Variants in HEPACAM2 observed in about 807,000 individuals in gnomAD.
The protein encoded by HEPACAM2 is HEPACAM family member 2.
Under a neutral mutation model 49.6 loss-of-function variants are expected in HEPACAM2, and 49 were observed. The ratio of observed to expected loss-of-function variants is 0.99; its 90% CI spans 0.78 to 1.25. The LOEUF is 1.25. Ranked by LOEUF, HEPACAM2 falls within the 50% of genes most tolerant of loss-of-function variation. The pLI is 0.00. For synonymous variants in HEPACAM2, 197 were observed against 202.9 expected, an observed-to-expected ratio of 0.97 and a Z score of 0.25; for missense variants, 525 against 557.2, an observed-to-expected ratio of 0.94 and a Z score of 0.58.
rs1431624329 is a variant in HEPACAM2, at chr7:93,189,161, G to T, written c.*106C>A. Reference sequence around the variant, plus strand: ...AAAGGAATAATGAGTAAGAGGTGTTGGTCTTGGTTTCTTCACTGATTCCAG... The same window carrying T: ...AAAGGAATAATGAGTAAGAGGTGTTTGTCTTGGTTTCTTCACTGATTCCAG... On this transcript the variant is annotated 3_prime_UTR_variant, in exon 10 of 10. Coordinates refer to ENST00000394468, the MANE Select transcript of HEPACAM2 (RefSeq NM_001039372.4). 2 of 930,070 alleles carry T rather than the reference G, an allele frequency of 2.2e-6. No individual in the cohort carries two copies. The highest frequency in any genetic ancestry group is 2.4e-5 in the East Asian group (1 of 41,058). 57.6% of individuals were successfully genotyped at this position (930,070 alleles called of 1,614,324 possible).
chr7:93,199,851 CAT>C (rs1793835987), intron 4 of HEPACAM2, among the ~76,000 whole-genome samples: 1 of 152,036 alleles, frequency 6.6e-6, no homozygotes, highest in African/African-American at 2.4e-5. Context: ...AGTTTTAAAA[CAT>C]AGTAATTTCA....
chr7:93,206,514 T>C (rs1794033322), intron 4 of HEPACAM2, among the ~76,000 whole-genome samples: 1 of 152,076 alleles, frequency 6.6e-6, no homozygotes, highest in Admixed American at 6.6e-5. Context: ...ACAAGAAATA[T>C]ATATTATTAT....
upstream of HEPACAM2, chr7:93,226,487 G>T: frequency 6.8e-7 from 1 of 1,480,732 alleles, no homozygotes; most frequent in Non-Finnish European, 9.4e-7. Context: ...TGGACCAGCA[G>T]CTGCTGGTTT....
At chr7:93,194,407 A>T (rs2116629787) in intron 8 of HEPACAM2, among the ~76,000 whole-genome samples, 1 of 152,224 alleles carries the variant, frequency 6.6e-6, no homozygotes, top group South Asian at 2.1e-4. Context: ...GCTTTCTACC[A>T]TCGTGAGAAG....
chr7:93,226,393 C>T lies in HEPACAM2; in HGVS notation c.54G>A (p.Gln18=). 6.2e-7 allele frequency: 1 copy of T among 1,613,168 alleles called. No individual in the cohort carries two copies. Among genetic ancestry groups the T allele is most frequent in the East Asian group, 2.2e-5 (1 of 44,878 alleles). The change falls in exon 1 of 10, where the codon CAG becomes CAA. Residue 18 remains glutamine (Q), a synonymous_variant. Transcript: ENST00000394468. Reference sequence around the variant, plus strand: ...CGAAGAGAAGGAGGTATATTTTGCACTGAAAGACCCCAAGTGTGTCACCGA... The same window carrying T: ...CGAAGAGAAGGAGGTATATTTTGCATTGAAAGACCCCAAGTGTGTCACCGA... ...EPFGDTLGVF[Q]CKIYLLLFGA... is the part of the protein sequence containing the mutation.
intron 4 of HEPACAM2, among the ~76,000 whole-genome samples, chr7:93,200,281 T>C (rs1333075080): frequency 6.6e-6 from 1 of 152,126 alleles, no homozygotes; most frequent in Admixed American, 6.6e-5. Context: ...AGAATTTATC[T>C]AATTCATCTA....
chr7:93,215,840 G>C (rs1354520851), intron 2 of HEPACAM2, among the ~76,000 whole-genome samples, 155 bp from the exon 3 acceptor site: 1 of 152,104 alleles, frequency 6.6e-6, no homozygotes, highest in Non-Finnish European at 1.5e-5. Flanking sequence ...GAAGAGAAGA[G>C]AATAAAAAGC....
chr7:93,201,174 T>C (rs1273500220), intron 4 of HEPACAM2, among the ~76,000 whole-genome samples: 2 of 152,146 alleles, frequency 1.3e-5, no homozygotes, highest in South Asian at 2.1e-4. Context: ...AGACCTGCTA[T>C]ATAGCTATGC....
upstream of HEPACAM2, among the ~76,000 whole-genome samples, chr7:93,228,958 C>A (rs757844035): frequency 2.0e-5 from 3 of 152,012 alleles, no homozygotes; most frequent in Non-Finnish European, 4.4e-5. Flanking sequence ...AGTTTACAAT[C>A]TAGTTTATTT....
At chr7:93,198,862 G>A (rs1393770867) in intron 4 of HEPACAM2, among the ~76,000 whole-genome samples, 3 of 152,088 alleles carry the variant, frequency 2.0e-5, no homozygotes, top group Admixed American at 6.6e-5. Flanking sequence ...AAGGGAGGAA[G>A]CCTTAATCTT....
intron 1 of HEPACAM2, among the ~76,000 whole-genome samples, chr7:93,226,166 A>G (rs537072971): frequency 6.6e-6 from 1 of 152,218 alleles, no homozygotes; most frequent in Non-Finnish European, 1.5e-5. Flanking sequence ...CAAGAAAACA[A>G]TAACAATCTA....
intron 9 of HEPACAM2, among the ~76,000 whole-genome samples, chr7:93,189,569 T>C (rs1341673045): frequency 6.6e-6 from 1 of 151,926 alleles, no homozygotes; most frequent in Non-Finnish European, 1.5e-5. Context: ...ATGAGGTCAA[T>C]AGACAACATT....
At chr7:93,228,402 C>T (rs1794575611), upstream of HEPACAM2, among the ~76,000 whole-genome samples, 1 of 152,052 alleles carries the variant, frequency 6.6e-6, no homozygotes, top group Non-Finnish European at 1.5e-5. Flanking sequence ...GAAAGGGCTA[C>T]TGGGATAATC....
At position 93,197,551 on chromosome 7, in the gene HEPACAM2, T is replaced by C. The variant is rs184972478; in HGVS notation, c.1072A>G (p.Ile358Val). ...SLSPLASITG[I>V]SLFLIISMCL... ...ATGGATATAATCAAAAATAGTGATATTCCAGTTATACTTGCTAAAGGTGAC... is the reference window on the plus strand; with the variant it reads ...ATGGATATAATCAAAAATAGTGATACTCCAGTTATACTTGCTAAAGGTGAC... The change falls in exon 5 of 10, where the codon ATA (isoleucine) becomes GTA (valine). Residue 358 changes from isoleucine (I) to valine (V), a missense_variant. Ile to Val is a conservative substitution (Grantham distance 29). Coordinates refer to ENST00000394468, the MANE Select transcript of HEPACAM2 (RefSeq NM_001039372.4). 1 of 1,597,044 alleles carries C rather than the reference T, an allele frequency of 6.3e-7. No individual in the cohort carries two copies. The highest frequency in any genetic ancestry group is 1.7e-5 in the Admixed American group (1 of 59,226).
chr7:93,191,433 G>A (rs977699886), intron 9 of HEPACAM2, among the ~76,000 whole-genome samples: 1 of 152,088 alleles, frequency 6.6e-6, no homozygotes, highest in Non-Finnish European at 1.5e-5. Context: ...CCAGAAGTGT[G>A]CATGAATTAC....
At chr7:93,203,075 C>T (rs933807052) in intron 4 of HEPACAM2, among the ~76,000 whole-genome samples, 25 of 152,150 alleles carry the variant, frequency 1.6e-4, no homozygotes, top group African/African-American at 5.8e-4. Context: ...GTTTGCCCTA[C>T]ATCAGAGAGC....
chr7:93,193,834 T>C (rs1793616891), intron 8 of HEPACAM2, among the ~76,000 whole-genome samples: 1 of 152,168 alleles, frequency 6.6e-6, no homozygotes, highest in Non-Finnish European at 1.5e-5. Flanking sequence ...CACCTTTCCT[T>C]CTTTTCTAAA....
At chr7:93,218,782 GA>G (rs1794374971) in intron 2 of HEPACAM2, among the ~76,000 whole-genome samples, 1 of 152,024 alleles carries the variant, frequency 6.6e-6, no homozygotes, top group Non-Finnish European at 1.5e-5. Flanking sequence ...CTATTGTTGA[GA>G]AAATAAGATT....
In HEPACAM2 at chr7:93,215,550, A is replaced by G; in HGVS notation, c.566T>C (p.Val189Ala). The G allele has an allele frequency of 1.2e-6, 2 of 1,613,776 alleles. No individual in the cohort carries two copies. The highest frequency in any genetic ancestry group is 2.2e-5 in the South Asian group (2 of 91,076). ...AYQWLKNGRP[V>A]HTSSTYSFSP... ...AAAGGAGTAGGTGGAGCTGGTGTGG[A>G]CAGGTCTCCCATTTTTTAGCCATTG... Residue 189 changes from valine to alanine, a missense_variant, in exon 3 of 10, where the codon GTC (valine) becomes GCC (alanine). Physicochemically the swap from Val to Ala is moderately conservative, Grantham distance 64 (BLOSUM62 0). Transcript: ENST00000394468.
Sources: gnomAD v4.1 joint callset for allele counts (sites outside exome capture counted in the v4.1 genomes callset) on GRCh38, gnomAD v4.1.1 for gene constraint, MANE v1.5 for transcripts, NCBI Gene and HGNC (gene_info 2026-07-23, HGNC 2026-07-21) for gene names.